UFSP2: variants seen among roughly 807,000 people sequenced by gnomAD.
The protein encoded by UFSP2 is ufm1-specific protease 2.
Under a neutral mutation model 60.2 loss-of-function variants are expected in UFSP2, and 43 were observed. That is an observed-to-expected ratio of 0.71 (90% confidence interval 0.56 to 0.92). UFSP2 has a LOEUF of 0.92. Among genes scored for constraint, UFSP2 ranks in the 40% least tolerant of loss-of-function variants. UFSP2 has a pLI of 0.00. For missense variants in UFSP2, 520 were observed against 575.0 expected, an observed-to-expected ratio of 0.90 and a Z score of 0.98; for synonymous variants, 183 against 195.1, an observed-to-expected ratio of 0.94 and a Z score of 0.52.
intron 1 of UFSP2, among the ~76,000 whole-genome samples, 188 bp from the exon 2 acceptor site, chr4:185,422,751 G>A (rs1158683052): frequency 6.6e-6 from 1 of 152,134 alleles, no homozygotes; most frequent in Non-Finnish European, 1.5e-5. Flanking sequence ...TAAATCAGGG[G>A]TTCTCAACCT....
intron 1 of UFSP2, among the ~76,000 whole-genome samples, chr4:185,423,828 A>G (rs2095553882): frequency 6.6e-6 from 1 of 152,114 alleles, no homozygotes; most frequent in Non-Finnish European, 1.5e-5. Context: ...ACACACACAC[A>G]CGAGAGAAAG....
intron 2 of UFSP2, 106 bp downstream of exon 2, chr4:185,422,379 C>A: frequency 1.2e-6 from 1 of 824,592 alleles, no homozygotes; most frequent in Non-Finnish European, 2.0e-6. Flanking sequence ...ACAATATAAT[C>A]TTAGTTCATC....
intron 11 of UFSP2, among the ~76,000 whole-genome samples, chr4:185,401,687 GCA>G (rs2095513437): frequency 6.6e-6 from 1 of 152,210 alleles, no homozygotes; most frequent in Admixed American, 6.5e-5. Context: ...GACCTTGGCT[GCA>G]CAGTTTCTTG....
intron 2 of UFSP2, 74 bp downstream of exon 2, chr4:185,422,411 T>C (rs776198893): frequency 2.4e-5 from 27 of 1,119,672 alleles, no homozygotes; most frequent in Middle Eastern, 4.1e-4. Flanking sequence ...TCAGTTTCAT[T>C]TGCAAAGTGG....
At chr4:185,425,798 G>A in intron 1 of UFSP2, 68 bp downstream of exon 1, 1 of 1,572,912 alleles carries the variant, frequency 6.4e-7, no homozygotes, top group South Asian at 1.2e-5. Flanking sequence ...GCGCTGTGAA[G>A]CCCGCTCGTG....
chr4:185,404,004 A>C (rs1030378111), intron 10 of UFSP2, among the ~76,000 whole-genome samples: 23 of 147,276 alleles, frequency 1.6e-4, no homozygotes, highest in African/African-American at 5.7e-4. Flanking sequence ...TACTTTGCTT[A>C]TTAACTGATC....
At position 185,425,935 on chromosome 4, in the gene UFSP2, T is replaced by C; in HGVS notation, c.-67A>G. The stretch of plus-strand genomic sequence containing the variant: ...AAAGTTCCGGGGGCCGGCCCTGAAG[T>C]GGTGTCACCGCACGGCCCAGGGGCG... On this transcript the variant is annotated 5_prime_UTR_variant, in exon 1 of 12. Coordinates refer to ENST00000264689, the MANE Select transcript of UFSP2 (RefSeq NM_018359.5). The C allele has an allele frequency of 6.4e-7, 1 of 1,557,010 alleles. No homozygotes were observed. The highest frequency in any genetic ancestry group is 8.7e-7 in the Non-Finnish European group (1 of 1,148,906).
intron 5 of UFSP2, 149 bp from the exon 6 acceptor site, chr4:185,415,496 C>G: frequency 1.2e-6 from 1 of 832,936 alleles, no homozygotes; most frequent in Admixed American, 3.5e-5. Context: ...ATAAAAGAAA[C>G]TGTGTATTTG....
chr4:185,405,801 C>T lies in UFSP2; in HGVS notation c.1177G>A (p.Glu393Lys), dbSNP rs1455295995. Residue 393 changes from glutamate (E) to lysine (K), a missense_variant, in exon 10 of 12, where the codon GAA becomes AAA. Physicochemically the swap from Glu to Lys is moderately conservative, Grantham distance 56. Coordinates refer to ENST00000264689, the MANE Select transcript of UFSP2 (RefSeq NM_018359.5). ...GRELANHFQS[E>K]GTPVMIGGGV... is the part of the protein sequence containing the mutation. ...TTACCGATCATAACTGGAGTTCCTT[C>T]ACTTTGGAAATGATTAGCCAGTTCC... 1 of 1,613,968 alleles carries T rather than the reference C, an allele frequency of 6.2e-7. No homozygotes were observed. Among genetic ancestry groups the T allele is most frequent in the Non-Finnish European group, 8.5e-7 (1 of 1,180,002 alleles).
intron 9 of UFSP2, among the ~76,000 whole-genome samples, chr4:185,407,609 T>TGGA (rs1406804794): frequency 6.6e-6 from 1 of 152,044 alleles, no homozygotes; most frequent in East Asian, 1.9e-4. Context: ...TTTAAAAGAT[T>TGGA]GGAGCATAAA....
At position 185,404,258 on chromosome 4, in the gene UFSP2, G is replaced by A. The variant is rs982919600; in HGVS notation, c.1199-640C>T. 2.0e-5 allele frequency among the ~76,000 whole-genome samples: 3 copies of A among 149,670 alleles called. No homozygotes were observed. In the East Asian group the frequency reaches 5.9e-4, roughly 30 times the overall value. ...CTCAGCAGATGGTCCTGCTGCCTCT[G>A]AGTACCTCCAGTGATATAGCACTCC... On this transcript the variant is annotated intron_variant, in intron 10 of 11. Transcript: ENST00000264689.
chr4:185,414,872 A>G (rs2095535619), intron 6 of UFSP2, among the ~76,000 whole-genome samples: 2 of 152,334 alleles, frequency 1.3e-5, no homozygotes, highest in Middle Eastern at 3.4e-3. Flanking sequence ...CACCATTTCT[A>G]TATTTCATTA....
At chr4:185,402,507 C>A (rs80239630) in intron 11 of UFSP2, among the ~76,000 whole-genome samples, 7,752 of 152,228 alleles carry the variant, frequency 0.051, 246 homozygotes, top group South Asian at 0.088. Flanking sequence ...TGGAATTTCA[C>A]TCCTGTTGCC....
chr4:185,408,206 C>G (rs1226801209), intron 8 of UFSP2, 65 bp downstream of exon 8: 1 of 1,566,986 alleles, frequency 6.4e-7, no homozygotes, highest in East Asian at 2.2e-5. Flanking sequence ...CAAAAATTAT[C>G]AATGGTATAT....
At chr4:185,405,617 A>G (rs11132301) in intron 10 of UFSP2, among the ~76,000 whole-genome samples, 163 bp downstream of exon 10, 11,995 of 152,124 alleles carry the variant, frequency 0.079, 788 homozygotes, top group African/African-American at 0.17. Context: ...CCTTTAAGCC[A>G]CCTTAGAAAT....
At chr4:185,409,253 A>G (rs1385230659) in intron 7 of UFSP2, among the ~76,000 whole-genome samples, 6 of 151,450 alleles carry the variant, frequency 4.0e-5, no homozygotes, top group Non-Finnish European at 8.9e-5. Flanking sequence ...GATGACGCTA[A>G]GTTAAGGGTC....
chr4:185,413,895 G>GA, intron 6 of UFSP2, 23 bp from the exon 7 acceptor site: 1 of 1,556,718 alleles, frequency 6.4e-7, no homozygotes. Context: ...AGAATCAACA[G>GA]AAAAAGAAAA....
intron 1 of UFSP2, among the ~76,000 whole-genome samples, chr4:185,424,250 G>C (rs1407782647): frequency 6.6e-6 from 1 of 151,996 alleles, no homozygotes. Flanking sequence ...ATGCTACAGT[G>C]AGCCATGATC....
At chr4:185,400,549 C>CAGGCTCTGTCAGCAGGACCTTGGAATA in intron 11 of UFSP2, 71 bp from the exon 12 acceptor site, 1 of 1,122,750 alleles carries the variant, frequency 8.9e-7, no homozygotes, top group Non-Finnish European at 1.3e-6. Context: ...ATCGTGACAT[C>CAGGCTCTGTCAGCAGGACCTTGGAATA]AGGCTCTGTC....
Sources: allele counts gnomAD v4.1 joint callset (sites outside exome capture counted in the v4.1 genomes callset), GRCh38; gene constraint gnomAD v4.1.1; transcripts MANE v1.5; gene names NCBI Gene and HGNC (gene_info 2026-07-23, HGNC 2026-07-21).